Variants in PPARGC1A observed in about 807,000 individuals in gnomAD.
The protein encoded by PPARGC1A is PPARG coactivator 1 alpha.
In PPARGC1A, 25 loss-of-function variants were observed where a neutral mutation model predicts 88.7. That is an observed-to-expected ratio of 0.28 (90% CI 0.21 to 0.39). The LOEUF is 0.39. Ranked by LOEUF, PPARGC1A falls within the 10% of genes least tolerant of loss-of-function variation. The pLI is 1.00. For missense variants in PPARGC1A, 880 were observed against 968.7 expected (o/e 0.91, Z 1.22); for synonymous variants, 363 against 355.6 (o/e 1.02, Z -0.24).
At chr4:24,470,277 GACACACACACAC>G in the PPARGC1A span, among the ~76,000 whole-genome samples, 1,291 of 110,740 alleles carry the variant, frequency 0.012, 16 homozygotes, top group African/African-American at 0.032. This position sits in a 1 kb window ranked among gnomAD's most constrained non-coding sequence, Gnocchi z 5.8. Context: ...GACAGACACA[GACACACACACAC>G]ACACACACAC....
chr4:24,387,756 G>GAA, the PPARGC1A span, among the ~76,000 whole-genome samples: 44 of 77,948 alleles, frequency 5.6e-4, no homozygotes, highest in African/African-American at 8.1e-4. Context: ...AAGAGAGAGA[G>GAA]AGAGAGAGAG....
chr4:24,378,181 A>G, the PPARGC1A span, among the ~76,000 whole-genome samples: 7 of 152,112 alleles, frequency 4.6e-5, no homozygotes, highest in Admixed American at 2.0e-4. Flanking sequence ...TACTAAAAAT[A>G]CAAAAATTAG....
chr4:24,178,782 A>G, the PPARGC1A span, among the ~76,000 whole-genome samples: 11 of 152,236 alleles, frequency 7.2e-5, no homozygotes, highest in African/African-American at 2.7e-4. Context: ...GAAGCACTCA[A>G]CAAAGGGCCC....
chr4:24,342,373 G>A, the PPARGC1A span, among the ~76,000 whole-genome samples: 3 of 152,238 alleles, frequency 2.0e-5, no homozygotes, highest in Non-Finnish European at 2.9e-5. Flanking sequence ...AATTACAAAT[G>A]AGAAAACTGA....
intron 10 of PPARGC1A, 58 bp downstream of exon 10, chr4:23,812,689 G>T: frequency 6.2e-7 from 1 of 1,600,500 alleles, no homozygotes; most frequent in Non-Finnish European, 8.5e-7. Context: ...ACCAAAAAAA[G>T]CACACAGAAA....
chr4:24,001,070 T>C, the PPARGC1A span, among the ~76,000 whole-genome samples: 1,424 of 152,292 alleles, frequency 9.4e-3, 10 homozygotes, highest in Middle Eastern at 0.017. Context: ...CTTTAAAAAA[T>C]GGCAATAAAG....
the PPARGC1A span, among the ~76,000 whole-genome samples, chr4:24,349,703 G>T: frequency 1.3e-5 from 2 of 152,140 alleles, no homozygotes; most frequent in Non-Finnish European, 2.9e-5. Flanking sequence ...AGAGGGGCGT[G>T]AAAACTTACC....
the PPARGC1A span, among the ~76,000 whole-genome samples, chr4:23,970,634 T>C: frequency 0.37 from 55,616 of 152,002 alleles, 10,401 homozygotes; most frequent in Middle Eastern, 0.45. Context: ...ATTCCATTCA[T>C]GGAGTCATGC....
At chr4:24,449,651 A>G in the PPARGC1A span, among the ~76,000 whole-genome samples, 180 of 152,330 alleles carry the variant, frequency 1.2e-3, no homozygotes, top group African/African-American at 4.1e-3. Context: ...AGTTTTGCAC[A>G]AAAGACTTTT....
chr4:24,028,243 C>A, the PPARGC1A span, among the ~76,000 whole-genome samples: 3 of 151,914 alleles, frequency 2.0e-5, no homozygotes, highest in East Asian at 5.8e-4. Context: ...TTTAAAATGA[C>A]AAAATAAAAC....
chr4:24,244,493 C>G, the PPARGC1A span, among the ~76,000 whole-genome samples: 2 of 152,178 alleles, frequency 1.3e-5, no homozygotes, highest in Non-Finnish European at 1.5e-5. Context: ...CCCAAAGTCA[C>G]ACAGACAATA....
the PPARGC1A span, among the ~76,000 whole-genome samples, chr4:24,472,663 T>TGCCGCCGCCGCCGCC: frequency 8.6e-5 from 13 of 151,606 alleles, no homozygotes; most frequent in Middle Eastern, 6.8e-3. The surrounding 1 kb of genome is among the most constrained non-coding windows in gnomAD (Gnocchi z 4.5). Context: ...ATGCTCGGGC[T>TGCCGCCGCCGCCGCC]GCCGCCGCCG....
At chr4:24,005,452 C>G in the PPARGC1A span, among the ~76,000 whole-genome samples, 1 of 152,140 alleles carries the variant, frequency 6.6e-6, no homozygotes, top group African/African-American at 2.4e-5. Context: ...ATCCCAACCC[C>G]GTCCCCTTGA....
At chr4:24,111,995 C>A in the PPARGC1A span, among the ~76,000 whole-genome samples, 7 of 152,180 alleles carry the variant, frequency 4.6e-5, no homozygotes, top group Admixed American at 2.6e-4. Flanking sequence ...TTATTCTTGA[C>A]TTTAGACAAA....
intron 2 of PPARGC1A, among the ~76,000 whole-genome samples, chr4:23,849,734 C>T (rs983774155): frequency 1.3e-5 from 2 of 151,724 alleles, no homozygotes; most frequent in Non-Finnish European, 2.9e-5. Context: ...TATTTAAGCT[C>T]TTTGAAGGTC....
chr4:23,899,730 G>A (rs560898798), upstream of PPARGC1A, among the ~76,000 whole-genome samples: 124 of 152,238 alleles, frequency 8.1e-4, no homozygotes, highest in African/African-American at 2.7e-3. Flanking sequence ...TAACCTAGGC[G>A]GCTGCAAATC....
the PPARGC1A span, among the ~76,000 whole-genome samples, chr4:23,948,696 C>T: frequency 6.6e-6 from 1 of 152,130 alleles, no homozygotes; most frequent in African/African-American, 2.4e-5. Context: ...GCCTGTGGAC[C>T]CTAAGTAATT....
chr4:24,158,539 G>C, the PPARGC1A span, among the ~76,000 whole-genome samples: 3 of 152,254 alleles, frequency 2.0e-5, no homozygotes, highest in African/African-American at 7.2e-5. Flanking sequence ...GCTTTTACAG[G>C]CCTAGATAAT....
the PPARGC1A span, among the ~76,000 whole-genome samples, chr4:24,352,855 C>G: frequency 6.6e-6 from 1 of 152,200 alleles, no homozygotes; most frequent in Non-Finnish European, 1.5e-5. Flanking sequence ...CTTCCCTGCT[C>G]TCATGGAACT....
Sources: gnomAD v4.1 joint callset for allele counts (sites outside exome capture counted in the v4.1 genomes callset) on GRCh38, gnomAD v4.1.1 for gene constraint, Gnocchi (gnomAD v3.1) non-coding constraint, MANE v1.5 for transcripts, NCBI Gene and HGNC (gene_info 2026-07-23, HGNC 2026-07-21) for gene names.